Variants in DHRS13 observed in about 807,000 individuals in gnomAD.
DHRS13 encodes the protein dehydrogenase/reductase 13.
A neutral mutation model predicts 17.9 loss-of-function variants in DHRS13; 22 were observed. The ratio of observed to expected loss-of-function variants is 1.23; its 90% CI spans 0.88 to 1.75. The LOEUF is 1.75. Among genes scored for constraint, DHRS13 ranks in the 40% most tolerant of loss-of-function variants. DHRS13 has a pLI of 0.00. For missense variants in DHRS13, 483 were observed against 519.9 expected (o/e 0.93, Z 0.69); for synonymous variants, 206 against 220.4 (o/e 0.93, Z 0.58).
Position 28,903,068 on chromosome 17 carries a change from G to C in DHRS13, c.-124C>G, listed in dbSNP as rs2039821013. On this transcript the variant is annotated 5_prime_UTR_variant, in exon 1 of 5. Transcript: ENST00000378895. The surrounding 1 kb of genome is among the most constrained non-coding windows in gnomAD (Gnocchi z 4.8). ...GGGCGCGTCAGCCTCCGAAGGCGGAGGCGGGCAGGAGGCTGGGCAGGGGCG... is the reference window on the plus strand; with the variant it reads ...GGGCGCGTCAGCCTCCGAAGGCGGACGCGGGCAGGAGGCTGGGCAGGGGCG... The C allele has an allele frequency of 1.1e-6, 1 of 904,946 alleles. No homozygotes were observed. Among genetic ancestry groups the C allele is most frequent in the Non-Finnish European group, 1.4e-6 (1 of 697,238 alleles). 56.1% of individuals were successfully genotyped at this position (904,946 alleles called of 1,614,324 possible).
chr17:28,901,038 C>T lies in DHRS13; in HGVS notation c.634G>A (p.Ala212Thr), dbSNP rs61744798. The T allele has an allele frequency of 1.2e-5, 19 of 1,611,136 alleles. No homozygotes were observed. The African/African-American group carries it at 1.5e-4, about 12-fold the overall frequency. ...ACGCCAGTGGCCTCAAGCTGGTTGG[C>T]GAGCTCCCGGGCAAACAGTACATTA... is the stretch of plus-strand genomic sequence containing the variant. The part of the protein sequence containing the change: ...LANVLFAREL[A>T]NQLEATGVTC... Residue 212 changes from alanine to threonine, a missense_variant, in exon 4 of 5, where the codon GCC (alanine) becomes ACC (threonine). Transcript: ENST00000378895. This position sits in a 1 kb window ranked among gnomAD's most constrained non-coding sequence, Gnocchi z 4.3.
Position 28,902,511 on chromosome 17 carries a change from C to T in DHRS13, c.246+72G>A, listed in dbSNP as rs1387367866. 7.4e-7 allele frequency: 1 copy of T among 1,356,860 alleles called. No homozygotes were observed. The highest frequency in any genetic ancestry group is 9.6e-7 in the Non-Finnish European group (1 of 1,045,258). The allele number at this position is 1,356,860 out of a possible 1,614,324, so 84.1% of individuals were successfully genotyped here. A position where few individuals can be genotyped will look rare whatever the true frequency, so the allele number is the denominator to read the frequency against. On this transcript the variant is annotated intron_variant, in intron 2 of 4. Coordinates refer to ENST00000378895, the MANE Select transcript of DHRS13 (RefSeq NM_144683.4). This position sits in a 1 kb window ranked among gnomAD's most constrained non-coding sequence, Gnocchi z 4.0. ...CTCCCTGGACCCGGATCCTCCGCAG[C>T]CCCTTTGCTGGCTTCTCTGTGTCCC... is the stretch of plus-strand genomic sequence containing the variant.
chr17:28,900,869 C>T, intron 4 of DHRS13, 121 bp downstream of exon 4: 2 of 1,133,494 alleles, frequency 1.8e-6, no homozygotes, highest in Non-Finnish European at 2.5e-6. Flanking sequence ...TGCTTCCTTG[C>T]TGCCCTGAGA....
chr17:28,897,825 T>A lies in DHRS13; in HGVS notation c.*616A>T. The A allele has an allele frequency of 3.5e-6, 1 of 287,700 alleles. No individual in the cohort carries two copies. The highest frequency in any genetic ancestry group is 6.4e-6 in the Non-Finnish European group (1 of 156,878). The allele number at this position is 287,700 out of a possible 1,614,324, so 17.8% of individuals were successfully genotyped here. The stretch of plus-strand genomic sequence containing the variant: ...TATTCCGAGGGGCTTCAGATACAGA[T>A]GACCCCAGCCCTGCATCCGCCCGGA... On this transcript the variant is annotated 3_prime_UTR_variant, in exon 5 of 5. Coordinates refer to ENST00000378895, the MANE Select transcript of DHRS13 (RefSeq NM_144683.4). This position sits in a 1 kb window ranked among gnomAD's most constrained non-coding sequence, Gnocchi z 4.4.
Position 28,899,007 on chromosome 17 carries a change from G to A in DHRS13, c.683-115C>T. The A allele has an allele frequency of 1.0e-6, 1 of 955,402 alleles. No homozygotes were observed. 59.2% of individuals were successfully genotyped at this position (955,402 alleles called of 1,614,324 possible). A position where few individuals can be genotyped will look rare whatever the true frequency, so the allele number is the denominator to read the frequency against. ...ACTTGAGCCCAGGAGTTTGAGACCAGACTGGGCAACATAGTCAAGCTCTGT... is the reference window on the plus strand; with the variant it reads ...ACTTGAGCCCAGGAGTTTGAGACCAAACTGGGCAACATAGTCAAGCTCTGT... On this transcript the variant is annotated intron_variant, in intron 4 of 4. Coordinates refer to ENST00000378895, the MANE Select transcript of DHRS13 (RefSeq NM_144683.4). This position sits in a 1 kb window ranked among gnomAD's most constrained non-coding sequence, Gnocchi z 4.7.
rs1159371426 is a variant in DHRS13 at position 28,898,881 on chromosome 17, A to T, written c.694T>A (p.Ser232Thr). The T allele has an allele frequency of 1.3e-6, 2 of 1,584,752 alleles. No homozygotes were observed. Among genetic ancestry groups the T allele is most frequent in the African/African-American group, 1.3e-5 (1 of 74,116 alleles). ...CYAAHPGPVN[S>T]ELFLRHVPGW... Reference sequence around the variant, plus strand: ...GGAACATGGCGCAGGAACAGCTCCGAGTTCACAGGCCCTGTAGGCAGGAAG... The same window carrying T: ...GGAACATGGCGCAGGAACAGCTCCGTGTTCACAGGCCCTGTAGGCAGGAAG... Residue 232 changes from serine to threonine, a missense_variant, in exon 5 of 5, where the codon TCG becomes ACG. By Grantham distance (58) the Ser-to-Thr change is moderately conservative. Coordinates refer to ENST00000378895, the MANE Select transcript of DHRS13 (RefSeq NM_144683.4).
Position 28,901,098 on chromosome 17 carries a change from G to C in DHRS13, c.574C>G (p.Gln192Glu), listed in dbSNP as rs1215409329. Residue 192 changes from glutamine (Q) to glutamate (E), a missense_variant, in exon 4 of 5, where the codon CAG (glutamine) becomes GAG (glutamate). By Grantham distance (29) the Gln-to-Glu change is conservative. Transcript: ENST00000378895. The surrounding 1 kb of genome is among the most constrained non-coding windows in gnomAD (Gnocchi z 4.3). ...GTGTCAGCATATGCCCGCAGCTCCT[G>C]CCGCCAGCCCACCACTGGGCGGTCC... ...RLDRPVVGWR[Q>E]ELRAYADTKL... 6.2e-7 allele frequency: 1 copy of C among 1,614,176 alleles called. No homozygotes were observed. The highest frequency in any genetic ancestry group is 2.2e-5 in the East Asian group (1 of 44,890).
At position 28,901,649 on chromosome 17, in the gene DHRS13, G is replaced by A; in HGVS notation, c.247-33C>T. On this transcript the variant is annotated intron_variant, in intron 2 of 4. Coordinates refer to ENST00000378895, the MANE Select transcript of DHRS13 (RefSeq NM_144683.4). The surrounding 1 kb of genome is among the most constrained non-coding windows in gnomAD (Gnocchi z 4.3). Reference sequence around the variant, plus strand: ...GAGGCAAGGGCTGGGCTTGTCACCAGGCATCTCTCTCCTCTTCCCTCTCCC... The same window carrying A: ...GAGGCAAGGGCTGGGCTTGTCACCAAGCATCTCTCTCCTCTTCCCTCTCCC... 1 of 1,611,334 alleles carries A rather than the reference G, an allele frequency of 6.2e-7. No individual in the cohort carries two copies. The highest frequency in any genetic ancestry group is 8.5e-7 in the Non-Finnish European group (1 of 1,177,824).
rs551029692 is a variant in DHRS13 at position 28,899,939 on chromosome 17, A to T, written c.683-1047T>A. Among the ~76,000 whole-genome samples the T allele has an allele frequency of 2.7e-5, 4 of 148,568 alleles. No homozygotes were observed. Among genetic ancestry groups the T allele is most frequent in the African/African-American group, 1.0e-4 (4 of 40,060 alleles). Reference sequence around the variant, plus strand: ...TCTTTTTTCTTTTTTTTTGAGATGGAGTCTTGCTCTGTCCCCCAGGCTGGA... The same window carrying T: ...TCTTTTTTCTTTTTTTTTGAGATGGTGTCTTGCTCTGTCCCCCAGGCTGGA... On this transcript the variant is annotated intron_variant, in intron 4 of 4. Transcript: ENST00000378895. This position sits in a 1 kb window ranked among gnomAD's most constrained non-coding sequence, Gnocchi z 4.7.
In DHRS13 at chr17:28,899,124, T is replaced by TGGGA. The variant is rs1217486446; in HGVS notation, c.683-233_683-232insTCCC. ...GTTTCAAGGGAACCAGGATAGTATT[T>TGGGA]ACCAGGCATTCGGGGCTTCTGCGAG... On this transcript the variant is annotated intron_variant, in intron 4 of 4. Coordinates refer to ENST00000378895, the MANE Select transcript of DHRS13 (RefSeq NM_144683.4). The surrounding 1 kb of genome is among the most constrained non-coding windows in gnomAD (Gnocchi z 4.7). The TGGGA allele has an allele frequency of 2.2e-6, 1 of 464,302 alleles. No homozygotes were observed. The highest frequency in any genetic ancestry group is 2.1e-5 in the African/African-American group (1 of 48,736). 28.8% of individuals were successfully genotyped at this position (464,302 alleles called of 1,614,324 possible).
In DHRS13 at chr17:28,902,386, A is replaced by G. The variant is rs1054032152; in HGVS notation, c.246+197T>C. On this transcript the variant is annotated intron_variant, in intron 2 of 4. Transcript: ENST00000378895. The surrounding 1 kb of genome is among the most constrained non-coding windows in gnomAD (Gnocchi z 4.0). ...TCTCAGAACTGCAATTACGGCCTTC[A>G]GGAAGCCCCTCCCCCACTCGGCTCT... Among the ~76,000 whole-genome samples, 1 of 152,184 alleles carries G rather than the reference A, an allele frequency of 6.6e-6. No homozygotes were observed. The highest frequency in any genetic ancestry group is 1.5e-5 in the Non-Finnish European group (1 of 68,030).
chr17:28,899,116 A>G lies in DHRS13; in HGVS notation c.683-224T>C. On this transcript the variant is annotated intron_variant, in intron 4 of 4. Transcript: ENST00000378895. This position sits in a 1 kb window ranked among gnomAD's most constrained non-coding sequence, Gnocchi z 4.7. ...AGAATCTGGTTTCAAGGGAACCAGG[A>G]TAGTATTTACCAGGCATTCGGGGCT... 2.0e-6 allele frequency: 1 copy of G among 501,394 alleles called. No individual in the cohort carries two copies. The highest frequency in any genetic ancestry group is 3.5e-6 in the Non-Finnish European group (1 of 288,534). The allele number at this position is 501,394 out of a possible 1,614,324, so 31.1% of individuals were successfully genotyped here. A position where few individuals can be genotyped will look rare whatever the true frequency, so the allele number is the denominator to read the frequency against.
Position 28,902,858 on chromosome 17 carries a change from G to T in DHRS13, c.87C>A (p.Gly29=). 1.3e-6 allele frequency: 2 copies of T among 1,550,270 alleles called. No individual in the cohort carries two copies. The highest frequency in any genetic ancestry group is 1.2e-5 in the South Asian group (1 of 86,856). ...TGCGGCCCCGCAGGTTGCCCATGCC[G>T]CCGCACGGCGGGGCCTTCACCAGGT... ...YYNLVKAPPC[G]GMGNLRGRTA... The change falls in exon 1 of 5, where the codon GGC becomes GGA. Residue 29 remains glycine, a synonymous_variant. Transcript: ENST00000378895. This position sits in a 1 kb window ranked among gnomAD's most constrained non-coding sequence, Gnocchi z 4.0.
rs2039801581 is a variant in DHRS13, at chr17:28,901,132, G to T, written c.540C>A (p.Phe180Leu). The T allele has an allele frequency of 6.2e-7, 1 of 1,614,080 alleles. No individual in the cohort carries two copies. Among genetic ancestry groups the T allele is most frequent in the Admixed American group, 1.7e-5 (1 of 60,006 alleles). Residue 180 changes from phenylalanine (F) to leucine (L), a missense_variant, in exon 4 of 5, where the codon TTC (phenylalanine) becomes TTA (leucine). Physicochemically the swap from Phe to Leu is conservative, Grantham distance 22 (BLOSUM62 0). Transcript: ENST00000378895. The surrounding 1 kb of genome is among the most constrained non-coding windows in gnomAD (Gnocchi z 4.3). ...SAAHCRGRLD[F>L]KRLDRPVVGW... ...CCACCACTGGGCGGTCCAGGCGTTTGAAGTCAAGACGTCCCCGACAGTGGG... is the reference window on the plus strand; with the variant it reads ...CCACCACTGGGCGGTCCAGGCGTTTTAAGTCAAGACGTCCCCGACAGTGGG...
rs772490190 is a variant in DHRS13, at chr17:28,902,864, C to T, written c.81G>A (p.Pro27=). Residue 27 remains proline (P), a synonymous_variant, in exon 1 of 5, where the codon CCG becomes CCA. Coordinates refer to ENST00000378895, the MANE Select transcript of DHRS13 (RefSeq NM_144683.4). This position sits in a 1 kb window ranked among gnomAD's most constrained non-coding sequence, Gnocchi z 4.0. ...LVYYNLVKAP[P]CGGMGNLRGR... The stretch of plus-strand genomic sequence containing the variant: ...CCCGCAGGTTGCCCATGCCGCCGCA[C>T]GGCGGGGCCTTCACCAGGTTGTAGT... 3 of 1,551,040 alleles carry T rather than the reference C, an allele frequency of 1.9e-6. No homozygotes were observed. Among genetic ancestry groups the T allele is most frequent in the Admixed American group, 3.6e-5 (2 of 55,482 alleles).
rs770735796 is a variant in DHRS13 at position 28,898,562 on chromosome 17, G to T, written c.1013C>A (p.Thr338Asn). Reference protein sequence around the residue: ...EDSEAPSSLSTPHPEEPTVSQ... With the variant: ...EDSEAPSSLSNPHPEEPTVSQ... ...AACTGTGGGCTCCTCAGGGTGGGGG[G>T]TGCTTAGAGAAGATGGGGCCTCTGA... Residue 338 changes from threonine to asparagine, a missense_variant, in exon 5 of 5, where the codon ACC becomes AAC. Thr to Asn is a moderately conservative substitution (Grantham distance 65, BLOSUM62 0). Coordinates refer to ENST00000378895, the MANE Select transcript of DHRS13 (RefSeq NM_144683.4). 4 of 1,612,230 alleles carry T rather than the reference G, an allele frequency of 2.5e-6. No homozygotes were observed. In the Admixed American group the frequency reaches 5.0e-5, roughly 20 times the overall value.
In DHRS13 at chr17:28,898,462, C is replaced by A. The variant is rs1386222860; in HGVS notation, c.1113G>T (p.Glu371Asp). 6.4e-7 allele frequency: 1 copy of A among 1,560,968 alleles called. No homozygotes were observed. Among genetic ancestry groups the A allele is most frequent in the African/African-American group, 1.4e-5 (1 of 73,520 alleles). Residue 371 changes from glutamate (E) to aspartate (D), a missense_variant, in exon 5 of 5, where the codon GAG becomes GAT. Coordinates refer to ENST00000378895, the MANE Select transcript of DHRS13 (RefSeq NM_144683.4). The part of the protein sequence containing the change: ...KMTHRIQAKV[E>D]PEIQLS The stretch of plus-strand genomic sequence containing the variant: ...AGGGTTAGGAGAGCTGGATCTCAGG[C>A]TCAACTTTAGCCTGAATTCGGTGCG...
At position 28,901,080 on chromosome 17, in the gene DHRS13, C is replaced by T; in HGVS notation, c.592G>A (p.Ala198Thr). 6.2e-7 allele frequency: 1 copy of T among 1,614,188 alleles called. No homozygotes were observed. Among genetic ancestry groups the T allele is most frequent in the Non-Finnish European group, 8.5e-7 (1 of 1,180,030 alleles). The change falls in exon 4 of 5, where the codon GCT (alanine) becomes ACT (threonine). Residue 198 changes from alanine (A) to threonine (T), a missense_variant. Ala to Thr is a moderately conservative substitution (Grantham distance 58, BLOSUM62 0). Transcript: ENST00000378895. The surrounding 1 kb of genome is among the most constrained non-coding windows in gnomAD (Gnocchi z 4.3). ...AGTACATTAGCCAGCTTAGTGTCAG[C>T]ATATGCCCGCAGCTCCTGCCGCCAG... Reference protein sequence around the residue: ...VGWRQELRAYADTKLANVLFA... With the variant: ...VGWRQELRAYTDTKLANVLFA...
rs2039803320 is a variant in DHRS13, at chr17:28,901,302, C to G, written c.371-1G>C. The G allele has an allele frequency of 6.2e-7, 1 of 1,603,718 alleles. No individual in the cohort carries two copies. On this transcript the variant is annotated splice_acceptor_variant, in intron 3 of 4. Transcript: ENST00000378895. LOFTEE classifies it high-confidence loss of function. The surrounding 1 kb of genome is among the most constrained non-coding windows in gnomAD (Gnocchi z 4.3). The stretch of plus-strand genomic sequence containing the variant: ...CGGGTCCGGCCACAGGAACTGATAC[C>G]TGGGGCAGAGGCTAAATGTGAGCGG...
Sources: gnomAD v4.1 joint callset for allele counts (sites outside exome capture counted in the v4.1 genomes callset) on GRCh38, gnomAD v4.1.1 for gene constraint, Gnocchi (gnomAD v3.1) non-coding constraint, MANE v1.5 for transcripts, NCBI Gene and HGNC (gene_info 2026-07-23, HGNC 2026-07-21) for gene names.